SH3BGRL2: variants seen among roughly 807,000 people sequenced by gnomAD.
The protein encoded by SH3BGRL2 is SH3 domain-binding glutamic acid-rich-like protein 2.
Under a neutral mutation model 14.8 loss-of-function variants are expected in SH3BGRL2, and 21 were observed. The observed-to-expected ratio is 1.42, with a 90% CI of 1.01 to 2.05. The LOEUF (loss-of-function observed/expected upper bound fraction) is 2.05, where lower values mean the gene tolerates loss of function less well. Ranked by LOEUF, SH3BGRL2 falls within the 30% of genes most tolerant of loss-of-function variation. The pLI is 0.00. For synonymous variants in SH3BGRL2, 50 were observed against 47.8 expected (o/e 1.05, Z -0.19); for missense variants, 147 against 130.8 (o/e 1.12, Z -0.61).
At chr6:79,540,110 A>T in the SH3BGRL2 span, among the ~76,000 whole-genome samples, 1 of 152,160 alleles carries the variant, frequency 6.6e-6, no homozygotes, top group African/African-American at 2.4e-5. Flanking sequence ...TTTAAGAGAA[A>T]TCGAATGGAT....
At chr6:79,565,775 G>A in the SH3BGRL2 span, among the ~76,000 whole-genome samples, 1 of 152,202 alleles carries the variant, frequency 6.6e-6, no homozygotes, top group African/African-American at 2.4e-5. Flanking sequence ...CACTGGTACA[G>A]TGCATATTTG....
At chr6:79,545,516 C>G in the SH3BGRL2 span, among the ~76,000 whole-genome samples, 2 of 152,222 alleles carry the variant, frequency 1.3e-5, no homozygotes, top group African/African-American at 4.8e-5. Flanking sequence ...CTGATCTTAG[C>G]ACCTGAAAAT....
At chr6:79,670,334 T>C (rs1170074319) in intron 1 of SH3BGRL2, among the ~76,000 whole-genome samples, 1 of 152,250 alleles carries the variant, frequency 6.6e-6, no homozygotes, top group Non-Finnish European at 1.5e-5. Context: ...TTAATTGCTT[T>C]GTATGGTGTG....
the SH3BGRL2 span, among the ~76,000 whole-genome samples, chr6:79,550,012 A>G: frequency 6.6e-6 from 1 of 152,180 alleles, no homozygotes; most frequent in Non-Finnish European, 1.5e-5. Context: ...GAAATACGCT[A>G]AAATCTTAAT....
At chr6:79,633,613 A>G (rs937955237) in intron 1 of SH3BGRL2, among the ~76,000 whole-genome samples, 10 of 152,268 alleles carry the variant, frequency 6.6e-5, no homozygotes, top group Admixed American at 2.6e-4. Flanking sequence ...GACTATAAAC[A>G]CTAATTATCT....
chr6:79,553,792 T>G, the SH3BGRL2 span, among the ~76,000 whole-genome samples: 1 of 151,990 alleles, frequency 6.6e-6, no homozygotes, highest in African/African-American at 2.4e-5. Context: ...GCCAACATGG[T>G]GAAACCCCGT....
At chr6:79,554,732 T>G in the SH3BGRL2 span, among the ~76,000 whole-genome samples, 7 of 152,304 alleles carry the variant, frequency 4.6e-5, no homozygotes, top group Non-Finnish European at 1.0e-4. Context: ...ACTTAGAAGT[T>G]GAAAATTGGT....
At chr6:79,578,342 G>A in the SH3BGRL2 span, among the ~76,000 whole-genome samples, 332 of 152,334 alleles carry the variant, frequency 2.2e-3, 6 homozygotes, top group East Asian at 0.034. Context: ...CCTGACCACC[G>A]TGTAGTCTAA....
intron 3 of SH3BGRL2, 60 bp downstream of exon 3, chr6:79,696,625 G>C (rs1032225971): frequency 4.7e-6 from 6 of 1,263,512 alleles, no homozygotes; most frequent in Non-Finnish European, 6.6e-6. Context: ...TTTTCTTAGA[G>C]ATGTAGAGTG....
At position 79,642,942 on chromosome 6, in the gene SH3BGRL2, G is replaced by A. The variant is rs192305682; in HGVS notation, c.45+11436G>A. 3.7e-4 allele frequency among the ~76,000 whole-genome samples: 56 copies of A among 152,276 alleles called. No homozygotes were observed. In the East Asian group the frequency reaches 8.5e-3, roughly 23 times the overall value. ...TGGGCTGGCAGATGGGCAGGTAGAT[G>A]ATGGTAAAAGCAGTAAGGGGCTTTG... On this transcript the variant is annotated intron_variant, in intron 1 of 3. Coordinates refer to ENST00000369838, the MANE Select transcript of SH3BGRL2 (RefSeq NM_031469.4).
chr6:79,567,746 A>C, the SH3BGRL2 span, among the ~76,000 whole-genome samples: 18 of 152,252 alleles, frequency 1.2e-4, no homozygotes, highest in African/African-American at 4.1e-4. Flanking sequence ...AGATAAATAC[A>C]ACTATCAAAA....
intron 1 of SH3BGRL2, among the ~76,000 whole-genome samples, chr6:79,656,811 G>T (rs975869863): frequency 6.6e-6 from 1 of 152,054 alleles, no homozygotes; most frequent in Non-Finnish European, 1.5e-5. Context: ...TATGGGGGTT[G>T]GGGAGAGCTC....
chr6:79,653,594 A>T (rs1014816318), intron 1 of SH3BGRL2, among the ~76,000 whole-genome samples: 6 of 152,156 alleles, frequency 3.9e-5, no homozygotes, highest in Non-Finnish European at 1.5e-5. Flanking sequence ...GTTCATTTAC[A>T]TTTTCTGTAA....
the SH3BGRL2 span, among the ~76,000 whole-genome samples, chr6:79,606,611 A>C: frequency 5.9e-5 from 9 of 152,162 alleles, no homozygotes; most frequent in African/African-American, 2.2e-4. Flanking sequence ...AGGAAATTTG[A>C]TCTTTGACGT....
At chr6:79,606,439 TA>T in the SH3BGRL2 span, among the ~76,000 whole-genome samples, 4 of 152,220 alleles carry the variant, frequency 2.6e-5, no homozygotes, top group African/African-American at 7.2e-5. Context: ...ATGCTTACAT[TA>T]AATTTCTCGT....
intron 1 of SH3BGRL2, among the ~76,000 whole-genome samples, chr6:79,639,878 A>G (rs538477017): frequency 3.3e-5 from 5 of 152,190 alleles, no homozygotes; most frequent in Admixed American, 2.0e-4. Context: ...TTTATTTTAT[A>G]CTGTTTATCC....
the SH3BGRL2 span, among the ~76,000 whole-genome samples, chr6:79,557,039 T>C: frequency 2.0e-5 from 3 of 151,804 alleles, no homozygotes; most frequent in Non-Finnish European, 4.4e-5. Context: ...AAAATATATA[T>C]ATATACTTTT....
chr6:79,687,829 T>C (rs919518872), intron 2 of SH3BGRL2, among the ~76,000 whole-genome samples: 5 of 152,218 alleles, frequency 3.3e-5, no homozygotes, highest in Non-Finnish European at 2.9e-5. Context: ...CATTTCCTTG[T>C]TTTTGTTCCC....
upstream of SH3BGRL2, among the ~76,000 whole-genome samples, chr6:79,628,562 G>T (rs975645703): frequency 3.9e-5 from 6 of 152,066 alleles, no homozygotes; most frequent in East Asian, 9.6e-4. Flanking sequence ...ACTCTCTGTG[G>T]TCTGATAAGC....
Sources: gnomAD v4.1 joint callset for allele counts (sites outside exome capture counted in the v4.1 genomes callset) on GRCh38, gnomAD v4.1.1 for gene constraint, MANE v1.5 for transcripts, NCBI Gene and HGNC (gene_info 2026-07-23, HGNC 2026-07-21) for gene names.